OC90: variants seen among roughly 807,000 people sequenced by gnomAD.
OC90 encodes otoconin-90.
In OC90, 46 loss-of-function variants were observed where a neutral mutation model predicts 47.3. The ratio of observed to expected loss-of-function variants is 0.97; its 90% CI spans 0.77 to 1.24. The LOEUF is 1.24. Among genes scored for constraint, OC90 ranks in the 50% most tolerant of loss-of-function variants. The probability of loss-of-function intolerance (pLI) is 0.00; values close to 1 mark genes in which losing one functional copy is unlikely to be tolerated. For synonymous variants in OC90, 271 were observed against 219.5 expected (o/e 1.23, Z -2.07); for missense variants, 688 against 583.9 (o/e 1.18, Z -1.84).
At chr8:132,058,412 C>T (rs533911188) in intron 1 of OC90, among the ~76,000 whole-genome samples, 10 of 152,250 alleles carry the variant, frequency 6.6e-5, no homozygotes, top group East Asian at 1.9e-4. Context: ...AGAAGGCTCC[C>T]GAAGCCTCGC....
chr8:132,054,149 T>C (rs933556004), intron 2 of OC90, among the ~76,000 whole-genome samples: 6 of 152,170 alleles, frequency 3.9e-5, no homozygotes, highest in African/African-American at 1.2e-4. Flanking sequence ...CACAGAGGCC[T>C]CGTCCCCTTC....
chr8:132,027,291 G>T (rs902838034), intron 13 of OC90, among the ~76,000 whole-genome samples: 1 of 152,200 alleles, frequency 6.6e-6, no homozygotes, highest in African/African-American at 2.4e-5. Flanking sequence ...CCTGGTGAAG[G>T]TTTGTTGGTT....
Position 132,039,061 on chromosome 8 carries a change from C to G in OC90, c.520G>C (p.Ala174Pro). Residue 174 changes from alanine to proline, a missense_variant, in exon 7 of 14, where the codon GCT (alanine) becomes CCT (proline). Ala to Pro is a conservative substitution (Grantham distance 27). Coordinates refer to ENST00000254627, the MANE Select transcript of OC90 (RefSeq NM_001080399.3). ...AGGGAAGAGTTGAGGCTGGATCGAG[C>G]CAAGCACTCTATGGCAGCCTTATCA... is the stretch of plus-strand genomic sequence containing the variant. Reference protein sequence around the residue: ...TCDKAAIECLARSSLNSSLNL... With the variant: ...TCDKAAIECLPRSSLNSSLNL... The G allele has an allele frequency of 6.2e-7, 1 of 1,613,834 alleles. No homozygotes were observed. Among genetic ancestry groups the G allele is most frequent in the East Asian group, 2.2e-5 (1 of 44,866 alleles).
chr8:132,032,973 G>T (rs1049507074), intron 11 of OC90, 66 bp downstream of exon 11: 2 of 1,555,208 alleles, frequency 1.3e-6, no homozygotes, highest in Admixed American at 1.9e-5. Flanking sequence ...GGTGGCCTAC[G>T]GTGATTGTTC....
intron 1 of OC90, among the ~76,000 whole-genome samples, chr8:132,057,769 C>A (rs1163688129): frequency 1.3e-5 from 2 of 152,236 alleles, no homozygotes; most frequent in Non-Finnish European, 2.9e-5. Context: ...TGAGCATGCC[C>A]CACTTGCTGT....
intron 12 of OC90, among the ~76,000 whole-genome samples, chr8:132,030,270 C>T (rs1822854439): frequency 6.6e-6 from 1 of 152,128 alleles, no homozygotes; most frequent in Non-Finnish European, 1.5e-5. Flanking sequence ...CCATCATGTA[C>T]AGTATATGTG....
intron 13 of OC90, among the ~76,000 whole-genome samples, chr8:132,027,571 A>G (rs558449236): frequency 6.6e-6 from 1 of 152,376 alleles, no homozygotes; most frequent in African/African-American, 2.4e-5. Context: ...ACTGCAAAGC[A>G]TAAGGGAAAT....
intron 4 of OC90, among the ~76,000 whole-genome samples, chr8:132,043,408 A>G (rs182062696): frequency 5.4e-4 from 83 of 152,390 alleles, no homozygotes; most frequent in African/African-American, 1.7e-3. Context: ...TAAGGCATCA[A>G]CCAGGGATAA....
At chr8:132,045,468 C>A (rs1169615410) in intron 3 of OC90, among the ~76,000 whole-genome samples, 1 of 152,140 alleles carries the variant, frequency 6.6e-6, no homozygotes, top group Non-Finnish European at 1.5e-5. Context: ...ATCATTTATC[C>A]CTCTTGGTCT....
Position 132,033,036 on chromosome 8 carries a change from C to A in OC90, c.859+3G>T, listed in dbSNP as rs746197274. On this transcript the variant is annotated splice_donor_region_variant and intron_variant, in intron 11 of 13. Coordinates refer to ENST00000254627, the MANE Select transcript of OC90 (RefSeq NM_001080399.3). Reference sequence around the variant, plus strand: ...GGAGAGGACAGACACTGCTTCTGCTCACCTTTTTCAGTGGTCTCCTCAGGA... The same window carrying A: ...GGAGAGGACAGACACTGCTTCTGCTAACCTTTTTCAGTGGTCTCCTCAGGA... 19 of 1,608,374 alleles carry A rather than the reference C, an allele frequency of 1.2e-5. No homozygotes were observed. Among genetic ancestry groups the A allele is most frequent in the Non-Finnish European group, 1.5e-5 (18 of 1,177,666 alleles).
intron 2 of OC90, among the ~76,000 whole-genome samples, chr8:132,050,554 C>G (rs528047109): frequency 6.6e-6 from 1 of 152,234 alleles, no homozygotes; most frequent in East Asian, 1.9e-4. Flanking sequence ...TATCAGGAGA[C>G]CAGGTTAGAG....
intron 2 of OC90, among the ~76,000 whole-genome samples, chr8:132,049,249 T>A (rs1823180198): frequency 6.8e-6 from 1 of 147,218 alleles, no homozygotes; most frequent in Admixed American, 6.6e-5. Context: ...CTTGCAGACC[T>A]ATGTTTGTCT....
intron 2 of OC90, among the ~76,000 whole-genome samples, chr8:132,050,529 A>G (rs1823197615): frequency 6.6e-6 from 1 of 152,194 alleles, no homozygotes; most frequent in South Asian, 2.1e-4. Context: ...AGGGGATGGA[A>G]ATAGACACTG....
intron 2 of OC90, among the ~76,000 whole-genome samples, chr8:132,048,404 G>T (rs1214214418): frequency 6.8e-6 from 1 of 146,868 alleles, no homozygotes; most frequent in Non-Finnish European, 1.5e-5. Context: ...GAGCAATTTG[G>T]GATGGTTGGA....
rs898637306 is a variant in OC90, at chr8:132,031,034, A to G, written c.1031+847T>C. ...GTGCCTTTTGAATGCAGGTCTCTCCATTGGCCGTGGACAGGGGCTGTCCCC... is the reference window on the plus strand; with the variant it reads ...GTGCCTTTTGAATGCAGGTCTCTCCGTTGGCCGTGGACAGGGGCTGTCCCC... On this transcript the variant is annotated intron_variant, in intron 12 of 13. Transcript: ENST00000254627. Among the ~76,000 whole-genome samples the G allele has an allele frequency of 2.7e-4, 41 of 152,078 alleles. 1 individual carries two copies. The highest frequency in any genetic ancestry group is 4.4e-4 in the Non-Finnish European group (30 of 68,018).
At chr8:132,043,500 C>T (rs1450486627) in intron 4 of OC90, among the ~76,000 whole-genome samples, 1 of 152,220 alleles carries the variant, frequency 6.6e-6, no homozygotes, top group Non-Finnish European at 1.5e-5. Flanking sequence ...TCGCATTCTC[C>T]TCCCCATTCT....
intron 13 of OC90, among the ~76,000 whole-genome samples, chr8:132,025,032 G>T (rs139451003): frequency 6.6e-6 from 1 of 152,354 alleles, no homozygotes; most frequent in East Asian, 1.9e-4. Flanking sequence ...CAGAAAGTTT[G>T]CCTGAGCTGC....
intron 2 of OC90, among the ~76,000 whole-genome samples, chr8:132,051,045 G>T (rs941187506): frequency 1.3e-5 from 2 of 152,098 alleles, no homozygotes; most frequent in Non-Finnish European, 2.9e-5. Context: ...GCTCATGGAA[G>T]ATCTCAACAG....
At chr8:132,035,037 G>A (rs529726123) in intron 9 of OC90, among the ~76,000 whole-genome samples, 4 of 152,334 alleles carry the variant, frequency 2.6e-5, no homozygotes, top group African/African-American at 9.6e-5. Flanking sequence ...CCAGAAAAAC[G>A]CTTGCTGGCA....
Sources: allele counts gnomAD v4.1 joint callset (sites outside exome capture counted in the v4.1 genomes callset), GRCh38; gene constraint gnomAD v4.1.1; transcripts MANE v1.5; gene names NCBI Gene and HGNC (gene_info 2026-07-23, HGNC 2026-07-21).